The following OPCML variants were observed in gnomAD, a reference collection of about 807,000 sequenced individuals.
OPCML encodes the protein opioid-binding protein/cell adhesion molecule.
OPCML carries 13 observed loss-of-function variants against 37.8 expected under a neutral mutation model. The ratio of observed to expected loss-of-function variants is 0.34; its 90% CI spans 0.22 to 0.55. The LOEUF is 0.55. Among genes scored for constraint, OPCML ranks in the 20% least tolerant of loss-of-function variants. The probability of loss-of-function intolerance (pLI) is 0.91; values close to 1 mark genes in which losing one functional copy is unlikely to be tolerated. For synonymous variants in OPCML, 176 were observed against 168.8 expected (o/e 1.04, Z -0.33); for missense variants, 341 against 435.6 (o/e 0.78, Z 1.93).
chr11:133,287,254 AT>A (rs1942324059), intron 1 of OPCML, among the ~76,000 whole-genome samples: 1 of 138,010 alleles, frequency 7.2e-6, no homozygotes, highest in Admixed American at 7.6e-5. Flanking sequence ...ATTTTTTTTA[AT>A]TCTTTTTCTT....
chr11:132,716,064 C>T (rs1427920463), intron 2 of OPCML, among the ~76,000 whole-genome samples: 1 of 152,190 alleles, frequency 6.6e-6, no homozygotes, highest in Non-Finnish European at 1.5e-5. Flanking sequence ...TTTCTAACAC[C>T]AAATACAATT....
intron 1 of OPCML, among the ~76,000 whole-genome samples, chr11:133,151,646 C>T (rs919495985): frequency 1.3e-5 from 2 of 152,154 alleles, no homozygotes; most frequent in African/African-American, 2.4e-5. Context: ...TTGGGGTTTG[C>T]TGGCAGCCCA....
intron 2 of OPCML, among the ~76,000 whole-genome samples, chr11:132,927,169 GA>G (rs987572736): frequency 1.3e-4 from 20 of 152,172 alleles, no homozygotes; most frequent in African/African-American, 4.6e-4. Context: ...CAAAGTTGAA[GA>G]AAGAAATGGA....
chr11:132,916,641 G>A (rs1944615613), intron 2 of OPCML, among the ~76,000 whole-genome samples: 1 of 152,218 alleles, frequency 6.6e-6, no homozygotes, highest in African/African-American at 2.4e-5. Flanking sequence ...CTGAAGGAAG[G>A]TGGTAGAATA....
intron 1 of OPCML, among the ~76,000 whole-genome samples, chr11:133,148,660 G>T (rs1051303961): frequency 1.3e-5 from 2 of 151,838 alleles, no homozygotes; most frequent in African/African-American, 4.8e-5. Context: ...GCGCACTTCA[G>T]CGCTCGCTCC....
At chr11:133,200,776 T>G (rs996061046) in intron 1 of OPCML, among the ~76,000 whole-genome samples, 1 of 152,194 alleles carries the variant, frequency 6.6e-6, no homozygotes, top group Admixed American at 6.5e-5. Context: ...AATCCCTTTG[T>G]TGGGTACATA....
intron 1 of OPCML, among the ~76,000 whole-genome samples, chr11:133,352,517 A>G (rs1197287834): frequency 6.6e-6 from 1 of 152,214 alleles, no homozygotes; most frequent in Non-Finnish European, 1.5e-5. Flanking sequence ...GAAGAAATCT[A>G]CGTATGTATT....
intron 3 of OPCML, among the ~76,000 whole-genome samples, chr11:132,588,068 C>A (rs2096476893): frequency 6.6e-6 from 1 of 152,130 alleles, no homozygotes; most frequent in Non-Finnish European, 1.5e-5. Flanking sequence ...CTTAAAGCTC[C>A]TCATGCCGTG....
At chr11:133,337,886 G>T (rs1481723501) in intron 1 of OPCML, among the ~76,000 whole-genome samples, 1 of 151,944 alleles carries the variant, frequency 6.6e-6, no homozygotes, top group African/African-American at 2.4e-5. Context: ...GAAATTGGGG[G>T]CTCACACACT....
At chr11:132,610,451 A>G (rs1303008455) in intron 3 of OPCML, among the ~76,000 whole-genome samples, 1 of 152,210 alleles carries the variant, frequency 6.6e-6, no homozygotes, top group Non-Finnish European at 1.5e-5. Flanking sequence ...ACGACAAAAC[A>G]CACTAGGAGG....
chr11:132,556,247 ATTG>A (rs2096395316), intron 3 of OPCML, among the ~76,000 whole-genome samples: 1 of 152,190 alleles, frequency 6.6e-6, no homozygotes, highest in African/African-American at 2.4e-5. Flanking sequence ...CTGACCAAAA[ATTG>A]TTGTTCTTTA....
intron 1 of OPCML, among the ~76,000 whole-genome samples, chr11:133,457,571 G>A (rs1946699770): frequency 6.6e-6 from 1 of 151,296 alleles, no homozygotes; most frequent in African/African-American, 2.4e-5. Flanking sequence ...ATGTTTTTAT[G>A]TTTTTTAATG....
At chr11:133,301,730 T>C (rs1274162833) in intron 1 of OPCML, 1 of 152,186 alleles carries the variant, frequency 6.6e-6, no homozygotes, top group Non-Finnish European at 1.5e-5. Context: ...AAATGTCTGC[T>C]TGTTTGTTCA....
At chr11:133,070,710 A>G (rs941908756) in intron 1 of OPCML, among the ~76,000 whole-genome samples, 2 of 152,224 alleles carry the variant, frequency 1.3e-5, no homozygotes, top group Non-Finnish European at 2.9e-5. Flanking sequence ...AGCTAATATT[A>G]TAATTAGTTC....
chr11:133,051,235 G>A (rs1032467388), intron 1 of OPCML, among the ~76,000 whole-genome samples: 4 of 152,196 alleles, frequency 2.6e-5, no homozygotes, highest in Non-Finnish European at 5.9e-5. Flanking sequence ...GCCAAGCACT[G>A]TTTAAAATGC....
intron 2 of OPCML, among the ~76,000 whole-genome samples, chr11:132,923,993 C>T (rs1388066543): frequency 6.6e-6 from 1 of 151,648 alleles, no homozygotes; most frequent in Non-Finnish European, 1.5e-5. Context: ...AAACTCCTGA[C>T]CTCAGGTGAT....
chr11:133,318,397 T>C (rs1263979151), intron 1 of OPCML, among the ~76,000 whole-genome samples: 1 of 152,148 alleles, frequency 6.6e-6, no homozygotes, highest in African/African-American at 2.4e-5. Context: ...ATCCCCCAGA[T>C]GACGTTTGGT....
At chr11:132,953,406 G>A (rs1300367749) in intron 1 of OPCML, among the ~76,000 whole-genome samples, 2 of 152,034 alleles carry the variant, frequency 1.3e-5, no homozygotes, top group East Asian at 3.9e-4. Context: ...TCAACTGTGG[G>A]GAAGCATGGG....
At chr11:132,962,938 A>G (rs765675430) in intron 1 of OPCML, among the ~76,000 whole-genome samples, 2 of 152,234 alleles carry the variant, frequency 1.3e-5, no homozygotes, top group Non-Finnish European at 2.9e-5. Flanking sequence ...AAGACAAAAC[A>G]GAGACTGTTT....
Sources: allele counts gnomAD v4.1 joint callset (sites outside exome capture counted in the v4.1 genomes callset), GRCh38; gene constraint gnomAD v4.1.1; transcripts MANE v1.5; gene names NCBI Gene and HGNC (gene_info 2026-07-23, HGNC 2026-07-21).